Variants in PPP1R21 observed in about 807,000 individuals in gnomAD.
The protein encoded by PPP1R21 is KLRAQ motif containing 1.
A neutral mutation model predicts 112.8 loss-of-function variants in PPP1R21; 85 were observed. The ratio of observed to expected loss-of-function variants is 0.75; its 90% CI spans 0.63 to 0.90. The LOEUF is 0.90. Ranked by LOEUF, PPP1R21 falls within the 40% of genes least tolerant of loss-of-function variation. The pLI is 0.00. For synonymous variants in PPP1R21, 381 were observed against 322.3 expected, an observed-to-expected ratio of 1.18 and a Z score of -1.95; for missense variants, 1,199 against 901.5, an observed-to-expected ratio of 1.33 and a Z score of -4.23.
At chr2:48,457,733 C>T (rs1193470724) in intron 3 of PPP1R21, among the ~76,000 whole-genome samples, 1 of 152,148 alleles carries the variant, frequency 6.6e-6, no homozygotes, top group Non-Finnish European at 1.5e-5. Context: ...AGTTTAACAA[C>T]TCCGACTCAT....
At chr2:48,461,409 A>G (rs1341349867) in intron 7 of PPP1R21, among the ~76,000 whole-genome samples, 177 bp downstream of exon 7, 1 of 152,146 alleles carries the variant, frequency 6.6e-6, no homozygotes, top group Non-Finnish European at 1.5e-5. Flanking sequence ...AAGATTTTAA[A>G]TTGTCATATA....
At chr2:48,446,243 A>T (rs1667241457) in intron 1 of PPP1R21, among the ~76,000 whole-genome samples, 1 of 152,220 alleles carries the variant, frequency 6.6e-6, no homozygotes, top group Non-Finnish European at 1.5e-5. Flanking sequence ...ATTGAAGGTA[A>T]TAAATCCCCA....
intron 9 of PPP1R21, 62 bp from the exon 10 acceptor site, chr2:48,471,025 A>AC (rs1668473402): frequency 1.6e-5 from 19 of 1,159,390 alleles, no homozygotes. Context: ...GTCCATTTAG[A>AC]AATGTGTTGA....
chr2:48,508,483 C>CA (rs1670487137), intron 19 of PPP1R21, among the ~76,000 whole-genome samples: 1 of 152,160 alleles, frequency 6.6e-6, no homozygotes, highest in Non-Finnish European at 1.5e-5. Context: ...GTGTTGTTCA[C>CA]AAGCAGCCAT....
intron 1 of PPP1R21, among the ~76,000 whole-genome samples, chr2:48,449,310 C>T (rs1419966101): frequency 6.6e-6 from 1 of 152,088 alleles, no homozygotes; most frequent in East Asian, 1.9e-4. Flanking sequence ...ACAGTAGCCT[C>T]AGAAGAAGGA....
chr2:48,484,514 CTTT>C (rs56150780), intron 13 of PPP1R21, among the ~76,000 whole-genome samples: 1,788 of 122,988 alleles, frequency 0.015, 11 homozygotes, highest in South Asian at 0.024. Context: ...AAAGAATAAA[CTTT>C]TTTTTTTTTT....
intron 12 of PPP1R21, chr2:48,479,488 G>A (rs1270791649): frequency 4.2e-6 from 2 of 473,488 alleles, no homozygotes; most frequent in Admixed American, 4.7e-5. Flanking sequence ...TACCAGTTTT[G>A]CAGAGGGCAA....
chr2:48,482,726 C>A (rs1389521814), intron 13 of PPP1R21, among the ~76,000 whole-genome samples: 1 of 149,282 alleles, frequency 6.7e-6, no homozygotes, highest in Non-Finnish European at 1.5e-5. Flanking sequence ...AATATATAGA[C>A]CAACGTTTCC....
At chr2:48,450,476 C>T (rs1174551121) in intron 1 of PPP1R21, among the ~76,000 whole-genome samples, 1 of 152,124 alleles carries the variant, frequency 6.6e-6, no homozygotes, top group African/African-American at 2.4e-5. Context: ...GTACACTGCC[C>T]CAGCTGATGC....
At chr2:48,453,049 G>T (rs1215122314) in intron 2 of PPP1R21, among the ~76,000 whole-genome samples, 3 of 151,698 alleles carry the variant, frequency 2.0e-5, no homozygotes, top group Non-Finnish European at 4.4e-5. Context: ...TGCCTCCCTG[G>T]TTTGAGTGAT....
At chr2:48,509,234 G>T (rs552471281) in intron 19 of PPP1R21, among the ~76,000 whole-genome samples, 3 of 152,080 alleles carry the variant, frequency 2.0e-5, no homozygotes, top group Non-Finnish European at 4.4e-5. Flanking sequence ...AATCTGTAGG[G>T]TAGGATGGTA....
intron 17 of PPP1R21, among the ~76,000 whole-genome samples, chr2:48,500,538 TAAC>T (rs771002418): frequency 6.6e-6 from 1 of 151,936 alleles, no homozygotes; most frequent in African/African-American, 2.4e-5. Context: ...TAGAAAATAA[TAAC>T]AATTTAAAAA....
chr2:48,486,631 A>G lies in PPP1R21; in HGVS notation c.1319A>G (p.Asp440Gly), dbSNP rs773714302. The change falls in exon 14 of 22, where the codon GAT (aspartate) becomes GGT (glycine). Residue 440 changes from aspartate to glycine, a missense_variant and splice_region_variant. Coordinates refer to ENST00000294952, the MANE Select transcript of PPP1R21 (RefSeq NM_001135629.3). ...AATTTTCATGTAATTGCTTTTATAG[A>G]TATTTCCAAACATTATAGTCAAAAA... ...ALHGFHDVMK[D>G]ISKHYSQKAA... The G allele has an allele frequency of 3.7e-6, 6 of 1,607,336 alleles. No homozygotes were observed. The highest frequency in any genetic ancestry group is 1.6e-4 in the Middle Eastern group (1 of 6,074).
intron 14 of PPP1R21, among the ~76,000 whole-genome samples, chr2:48,489,003 CCTTA>C (rs1669437350): frequency 6.6e-6 from 1 of 152,108 alleles, no homozygotes; most frequent in African/African-American, 2.4e-5. Flanking sequence ...TTTTTGGTAT[CCTTA>C]CTTTACTGAA....
intron 11 of PPP1R21, among the ~76,000 whole-genome samples, chr2:48,472,620 C>T (rs147862053): frequency 0.031 from 4,636 of 148,210 alleles, 109 homozygotes; most frequent in Non-Finnish European, 0.049. Flanking sequence ...AGTGAGACTC[C>T]GTCTCAAAAA....
chr2:48,442,638 G>T (rs1310132386), intron 1 of PPP1R21, among the ~76,000 whole-genome samples: 1 of 152,182 alleles, frequency 6.6e-6, no homozygotes, highest in Non-Finnish European at 1.5e-5. Flanking sequence ...TGTTAGTTCA[G>T]TGGGACTACC....
rs1401785924 is a variant in PPP1R21 at position 48,441,010 on chromosome 2, G to A, written c.57G>A (p.Lys19=). The part of the protein sequence containing the change: ...KYQKLAQEYS[K]LRAQNQVLKK... ...AGAAGCTGGCTCAGGAGTACTCGAA[G>A]GTACCCATCGTGGTCTGGGAGTAGG... is the stretch of plus-strand genomic sequence containing the variant. The change falls in exon 1 of 22, where the codon AAG becomes AAA. Residue 19 remains lysine (K), a splice_region_variant and synonymous_variant. Coordinates refer to ENST00000294952, the MANE Select transcript of PPP1R21 (RefSeq NM_001135629.3). The A allele has an allele frequency of 4.4e-6, 7 of 1,606,684 alleles. No individual in the cohort carries two copies. The highest frequency in any genetic ancestry group is 6.0e-6 in the Non-Finnish European group (7 of 1,173,924).
intron 3 of PPP1R21, among the ~76,000 whole-genome samples, chr2:48,457,159 C>A (rs1184176214): frequency 6.6e-6 from 1 of 152,062 alleles, no homozygotes; most frequent in Non-Finnish European, 1.5e-5. Context: ...CTGCCTAGGA[C>A]TGTTGAGCAG....
chr2:48,503,966 A>AG lies in PPP1R21; in HGVS notation c.1936-1598_1936-1597insG, dbSNP rs1271840350. ...AGACTATGTCTCAAAAAAAAAAAAA[A>AG]AAGTTTTCCTTGCATTTATACAGTA... On this transcript the variant is annotated intron_variant, in intron 17 of 21. Transcript: ENST00000294952. 2.0e-5 allele frequency among the ~76,000 whole-genome samples: 3 copies of AG among 151,394 alleles called. No individual in the cohort carries two copies. In the East Asian group the frequency reaches 5.8e-4, roughly 29 times the overall value.
Sources: allele counts gnomAD v4.1 joint callset (sites outside exome capture counted in the v4.1 genomes callset), GRCh38; gene constraint gnomAD v4.1.1; transcripts MANE v1.5; gene names NCBI Gene and HGNC (gene_info 2026-07-23, HGNC 2026-07-21).